Variants in C11orf65 observed in about 807,000 individuals in gnomAD.
The protein encoded by C11orf65 is protein MFI.
C11orf65 carries 38 observed loss-of-function variants against 35.3 expected under a neutral mutation model. The ratio of observed to expected loss-of-function variants is 1.08; its 90% CI spans 0.83 to 1.41. The LOEUF is 1.41. Among genes scored for constraint, C11orf65 ranks in the 40% most tolerant of loss-of-function variants. The pLI, the probability that C11orf65 is intolerant of heterozygous loss-of-function variation, is 0.00. For synonymous variants in C11orf65, 105 were observed against 114.4 expected, an observed-to-expected ratio of 0.92 and a Z score of 0.53; for missense variants, 370 against 367.1, an observed-to-expected ratio of 1.01 and a Z score of -0.06.
intron 2 of C11orf65, chr11:108,355,038 C>T: frequency 1.6e-6 from 1 of 634,996 alleles, no homozygotes; most frequent in Non-Finnish European, 2.8e-6. Flanking sequence ...TTCACACATC[C>T]AAAAATACTG....
intron 2 of C11orf65, among the ~76,000 whole-genome samples, chr11:108,343,528 T>C (rs927437198): frequency 2.0e-5 from 3 of 152,216 alleles, no homozygotes; most frequent in Admixed American, 6.5e-5. Context: ...AATGAAAGTG[T>C]GTGAGTGAAA....
intron 3 of C11orf65, 55 bp downstream of exon 3, chr11:108,431,691 T>C (rs2092992366): frequency 1.1e-6 from 1 of 937,598 alleles, no homozygotes; most frequent in African/African-American, 1.7e-5. Context: ...ATTGATAAAG[T>C]AATCACATTT....
intron 2 of C11orf65, among the ~76,000 whole-genome samples, chr11:108,446,165 C>G (rs1221636116): frequency 6.6e-6 from 1 of 152,020 alleles, no homozygotes; most frequent in African/African-American, 2.4e-5. Flanking sequence ...ATTGGTGTAC[C>G]TGAAAGTGAT....
At chr11:108,425,583 T>C (rs2092889058) in intron 3 of C11orf65, among the ~76,000 whole-genome samples, 1 of 152,174 alleles carries the variant, frequency 6.6e-6, no homozygotes, top group African/African-American at 2.4e-5. Context: ...GAGGAGCTGG[T>C]ACCATTCCTT....
chr11:108,458,747 C>A (rs1476692013), intron 2 of C11orf65, among the ~76,000 whole-genome samples: 3 of 152,078 alleles, frequency 2.0e-5, no homozygotes. Context: ...TTGCAGATGG[C>A]ACAAAATTTA....
At chr11:108,342,587 C>T (rs943025909) in intron 2 of C11orf65, among the ~76,000 whole-genome samples, 4 of 152,124 alleles carry the variant, frequency 2.6e-5, no homozygotes, top group African/African-American at 4.8e-5. Flanking sequence ...AGCTTCATCT[C>T]TTCCCCAGCA....
At chr11:108,465,274 T>C (rs1591630223) in intron 1 of C11orf65, among the ~76,000 whole-genome samples, 2 of 152,224 alleles carry the variant, frequency 1.3e-5, no homozygotes, top group African/African-American at 4.8e-5. Context: ...CCTGCTTCTC[T>C]AGTGACATAG....
At chr11:108,321,737 G>A (rs1226018550) in intron 6 of C11orf65, among the ~76,000 whole-genome samples, 1 of 151,400 alleles carries the variant, frequency 6.6e-6, no homozygotes, top group African/African-American at 2.4e-5. Flanking sequence ...GTGGTGAGCC[G>A]AGATTGCGCC....
Position 108,343,222 on chromosome 11 carries a change from G to A in C11orf65, c.227-7930C>T, listed in dbSNP as rs761625350. ...AAAGGTATTTAATCTGTAACTCCAG[G>A]TGGTTCCCCTCTCTCAGCGAAGTGG... On this transcript the variant is annotated intron_variant, in intron 2 of 3. Transcript: ENST00000524755. The A allele has an allele frequency of 1.2e-6, 2 of 1,613,760 alleles. No individual in the cohort carries two copies. Among genetic ancestry groups the A allele is most frequent in the Non-Finnish European group, 8.5e-7 (1 of 1,179,870 alleles).
rs752478345 is a variant in C11orf65 at position 108,317,393 on chromosome 11, C to G, written c.641-8322G>C. On this transcript the variant is annotated intron_variant, in intron 6 of 6. Transcript: ENST00000525729. ...TTTAGGCCTTGCAGAATTTGGGACT[C>G]TGCCATATTCTTTCCGTCTATTTAA... 5.6e-6 allele frequency: 9 copies of G among 1,611,986 alleles called. No individual in the cohort carries two copies. In the South Asian group the frequency reaches 9.9e-5, roughly 18 times the overall value.
chr11:108,435,229 A>G (rs2093044856), intron 2 of C11orf65, among the ~76,000 whole-genome samples: 1 of 152,144 alleles, frequency 6.6e-6, no homozygotes, highest in Non-Finnish European at 1.5e-5. Flanking sequence ...TAGTTTCCAC[A>G]GGAAGAACGT....
At chr11:108,451,626 G>T (rs1353737620) in intron 2 of C11orf65, among the ~76,000 whole-genome samples, 2 of 151,908 alleles carry the variant, frequency 1.3e-5, no homozygotes, top group South Asian at 2.1e-4. Context: ...AGCTACCAAT[G>T]ACTTTCTTCA....
chr11:108,436,053 C>CA (rs1295974755), intron 2 of C11orf65, among the ~76,000 whole-genome samples: 1 of 149,588 alleles, frequency 6.7e-6, no homozygotes, highest in Non-Finnish European at 1.5e-5. Context: ...AAAGACTTGA[C>CA]AGGTCATTGC....
upstream of C11orf65, among the ~76,000 whole-genome samples, chr11:108,468,688 CT>C (rs1340433224): frequency 4.6e-5 from 7 of 152,110 alleles, no homozygotes; most frequent in Admixed American, 2.6e-4. Flanking sequence ...GCTTCAGTTC[CT>C]CTTTATGTAG....
At chr11:108,397,947 T>C (rs1345897889) in intron 6 of C11orf65, among the ~76,000 whole-genome samples, 2 of 152,106 alleles carry the variant, frequency 1.3e-5, no homozygotes, top group Non-Finnish European at 2.9e-5. Flanking sequence ...ACTGAGTATA[T>C]AAAAGATCCA....
intron 2 of C11orf65, among the ~76,000 whole-genome samples, chr11:108,444,818 C>T (rs571841406): frequency 5.9e-5 from 9 of 152,148 alleles, no homozygotes; most frequent in South Asian, 2.1e-4. Context: ...TGCCTCACTC[C>T]GGCAGCGCAA....
chr11:108,356,273 T>C (rs536085464), intron 2 of C11orf65, among the ~76,000 whole-genome samples: 1 of 152,272 alleles, frequency 6.6e-6, no homozygotes, highest in South Asian at 2.1e-4. Context: ...CGGTGGCTCA[T>C]GCCTGTAATC....
chr11:108,416,392 C>T (rs2092732259), intron 3 of C11orf65, among the ~76,000 whole-genome samples: 1 of 152,086 alleles, frequency 6.6e-6, no homozygotes, highest in African/African-American at 2.4e-5. Flanking sequence ...ATTAAAACAA[C>T]AATGAGGGCC....
At chr11:108,433,855 C>T (rs1225609206) in intron 2 of C11orf65, among the ~76,000 whole-genome samples, 2 of 152,086 alleles carry the variant, frequency 1.3e-5, no homozygotes, top group Non-Finnish European at 1.5e-5. Flanking sequence ...CCTCAAGTAG[C>T]ATACCTGGTT....
Sources: gnomAD v4.1 joint callset for allele counts (sites outside exome capture counted in the v4.1 genomes callset) on GRCh38, gnomAD v4.1.1 for gene constraint, MANE v1.5 for transcripts, NCBI Gene and HGNC (gene_info 2026-07-23, HGNC 2026-07-21) for gene names.